PDE4D: variants seen among roughly 807,000 people sequenced by gnomAD.
The protein encoded by PDE4D is phosphodiesterase 4D.
Under a neutral mutation model 87.4 loss-of-function variants are expected in PDE4D, and 24 were observed. That is an observed-to-expected ratio of 0.27 (90% CI 0.20 to 0.39). The LOEUF (loss-of-function observed/expected upper bound fraction) is 0.39, where lower values mean the gene tolerates loss of function less well. PDE4D is among the 10% of genes least tolerant of loss of function. The pLI is 1.00. For missense variants in PDE4D, 714 were observed against 1,041.0 expected (o/e 0.69, Z 4.32); for synonymous variants, 384 against 383.2 (o/e 1.00, Z -0.02).
chr5:58,992,753 T>A (rs1358178634), intron 7 of PDE4D, among the ~76,000 whole-genome samples: 1 of 152,206 alleles, frequency 6.6e-6, no homozygotes, highest in Non-Finnish European at 1.5e-5. Flanking sequence ...ATATAGAACA[T>A]ATTCTAAGTG....
chr5:60,087,008 C>T (rs2152907652), intron 2 of PDE4D, among the ~76,000 whole-genome samples: 1 of 152,314 alleles, frequency 6.6e-6, no homozygotes, highest in South Asian at 2.1e-4. Context: ...CCAGAAACAA[C>T]TAAAAGTTGG....
intron 2 of PDE4D, among the ~76,000 whole-genome samples, chr5:60,143,442 C>G (rs1437145876): frequency 6.6e-6 from 1 of 152,120 alleles, no homozygotes; most frequent in Non-Finnish European, 1.5e-5. Flanking sequence ...TATATTTTTA[C>G]TCACTACCAA....
At chr5:59,402,756 C>G (rs1282576164) in intron 1 of PDE4D, among the ~76,000 whole-genome samples, 1 of 152,110 alleles carries the variant, frequency 6.6e-6, no homozygotes, top group Non-Finnish European at 1.5e-5. Context: ...TTGTGCCACC[C>G]TCTTCATAAG....
intron 2 of PDE4D, among the ~76,000 whole-genome samples, chr5:60,144,554 T>C (rs1166278970): frequency 1.3e-5 from 2 of 152,236 alleles, no homozygotes; most frequent in East Asian, 3.8e-4. Context: ...AAAAGATTTT[T>C]TTCCAGCCTG....
intron 1 of PDE4D, among the ~76,000 whole-genome samples, chr5:60,498,166 G>GCA (rs34436235): frequency 0.13 from 18,742 of 144,100 alleles, 1,386 homozygotes; most frequent in East Asian, 0.38. Context: ...ACACACACAT[G>GCA]CACACACACA....
intron 2 of PDE4D, among the ~76,000 whole-genome samples, chr5:60,061,212 T>G (rs1037909943): frequency 6.6e-6 from 1 of 152,146 alleles, no homozygotes; most frequent in African/African-American, 2.4e-5. Context: ...CTCCTTAAGC[T>G]GATAAGCAAC....
At chr5:60,278,808 A>G (rs1404273281) in intron 1 of PDE4D, among the ~76,000 whole-genome samples, 6 of 151,962 alleles carry the variant, frequency 3.9e-5, no homozygotes, top group Non-Finnish European at 4.4e-5. Flanking sequence ...CATTCATTCT[A>G]AAGGTGTTCA....
At chr5:59,728,302 A>C (rs369575957) in intron 1 of PDE4D, among the ~76,000 whole-genome samples, 4 of 152,122 alleles carry the variant, frequency 2.6e-5, no homozygotes, top group Non-Finnish European at 5.9e-5. Flanking sequence ...AAAATAATAC[A>C]ACTTATACAA....
intron 1 of PDE4D, among the ~76,000 whole-genome samples, chr5:59,735,898 G>A (rs768291215): frequency 3.9e-5 from 6 of 151,912 alleles, no homozygotes; most frequent in African/African-American, 1.2e-4. Flanking sequence ...TGAACTCCTC[G>A]TCTCAAATGA....
rs975576844 is a variant in PDE4D at position 59,023,711 on chromosome 5, T to A, written c.921+15148A>T. Among the ~76,000 whole-genome samples the A allele has an allele frequency of 3.3e-5, 5 of 152,154 alleles. No individual in the cohort carries two copies. In the East Asian group the frequency reaches 9.6e-4, roughly 29 times the overall value. ...ACATGTAGAATACTGTTTCTGGGAC[T>A]AAATTAGAGATTTAAGGTTTGAGGT... On this transcript the variant is annotated intron_variant, in intron 6 of 14. Coordinates refer to ENST00000340635, the MANE Select transcript of PDE4D (RefSeq NM_001104631.2).
chr5:59,007,530 T>A (rs1403551249), intron 6 of PDE4D, among the ~76,000 whole-genome samples: 1 of 152,160 alleles, frequency 6.6e-6, no homozygotes, highest in Non-Finnish European at 1.5e-5. Context: ...ATAACCAATA[T>A]TTTACATAAC....
At chr5:59,514,144 C>T (rs748650269) in intron 1 of PDE4D, among the ~76,000 whole-genome samples, 11 of 148,852 alleles carry the variant, frequency 7.4e-5, no homozygotes, top group Admixed American at 1.3e-4. Flanking sequence ...CTTGCTCTGT[C>T]GCTCAGGCTG....
chr5:60,462,022 C>T (rs1054490332), intron 1 of PDE4D, among the ~76,000 whole-genome samples: 14 of 152,152 alleles, frequency 9.2e-5, no homozygotes, highest in African/African-American at 3.4e-4. Context: ...AGTGAAAAGG[C>T]CAGGACCACT....
At chr5:59,279,841 GAAAGA>G (rs1245361664) in intron 1 of PDE4D, among the ~76,000 whole-genome samples, 1 of 151,686 alleles carries the variant, frequency 6.6e-6, no homozygotes, top group Non-Finnish European at 1.5e-5. Context: ...GTGGAAGACA[GAAAGA>G]AAAGAGGAAG....
At chr5:59,899,329 G>A (rs1475794132) in intron 3 of PDE4D, among the ~76,000 whole-genome samples, 1 of 151,872 alleles carries the variant, frequency 6.6e-6, no homozygotes, top group African/African-American at 2.4e-5. Context: ...AATATTTATT[G>A]AGCACTTAAT....
intron 3 of PDE4D, among the ~76,000 whole-genome samples, chr5:59,973,696 C>T (rs571733782): frequency 1.1e-4 from 16 of 152,182 alleles, no homozygotes; most frequent in African/African-American, 3.9e-4. Flanking sequence ...GACATTTCTT[C>T]TTAAGACAAA....
rs34503506 is a variant in PDE4D at position 60,118,561 on chromosome 5, T to TTGTGTGTGTGTGTGTG, written c.42+66980_42+66995dup. On this transcript the variant is annotated intron_variant, in intron 2 of 16. Transcript: ENST00000502484. ...TCCTGTTTTTCAGGATGGATGTAGG[T>TTGTGTGTGTGTGTGTG]TGTGTGTGTGTGTGTGTGTGTGTGT... Among the ~76,000 whole-genome samples, 291 of 144,292 alleles carry TTGTGTGTGTGTGTGTG rather than the reference T, an allele frequency of 2.0e-3. 2 individuals are homozygous for TTGTGTGTGTGTGTGTG. Among genetic ancestry groups the TTGTGTGTGTGTGTGTG allele is most frequent in the African/African-American group, 6.8e-3 (267 of 39,128 alleles). The allele number at this position is 144,292 out of a possible 152,430, so 94.7% of individuals were successfully genotyped here.
intron 1 of PDE4D, among the ~76,000 whole-genome samples, chr5:59,658,538 C>A (rs995747421): frequency 6.6e-6 from 1 of 152,138 alleles, no homozygotes; most frequent in South Asian, 2.1e-4. Context: ...CCCGCCACTG[C>A]GCCCAGCTAA....
At chr5:59,174,316 G>A (rs1335295374) in intron 5 of PDE4D, 1 of 93,602 alleles carries the variant, frequency 1.1e-5, no homozygotes, top group Non-Finnish European at 2.7e-5. Context: ...GAATCTTCAG[G>A]GTAAAAAAAT....
Sources: gnomAD v4.1 joint callset for allele counts (sites outside exome capture counted in the v4.1 genomes callset) on GRCh38, gnomAD v4.1.1 for gene constraint, MANE v1.5 for transcripts, NCBI Gene and HGNC (gene_info 2026-07-23, HGNC 2026-07-21) for gene names.